The following PRKN variants were observed in gnomAD, a reference collection of about 807,000 sequenced individuals.
PRKN encodes E3 ubiquitin-protein ligase parkin.
A neutral mutation model predicts 59.5 loss-of-function variants in PRKN; 56 were observed. The observed-to-expected ratio is 0.94, with a 90% CI of 0.76 to 1.18. PRKN has a LOEUF of 1.18. Among genes scored for constraint, PRKN ranks in the 50% most tolerant of loss-of-function variants. PRKN has a pLI of 0.00. For missense variants in PRKN, 657 were observed against 596.4 expected (o/e 1.10, Z -1.06); for synonymous variants, 250 against 222.1 (o/e 1.13, Z -1.12).
At chr6:161,797,068 A>G (rs1354132835) in intron 6 of PRKN, among the ~76,000 whole-genome samples, 4 of 152,228 alleles carry the variant, frequency 2.6e-5, no homozygotes, top group Non-Finnish European at 2.9e-5. Flanking sequence ...TCCAGTGGCC[A>G]TAAATGTTAG....
In PRKN at chr6:161,400,641, A is replaced by G. The variant is rs543606719; in HGVS notation, c.1084-13764T>C. 1.5e-4 allele frequency among the ~76,000 whole-genome samples: 22 copies of G among 151,240 alleles called. No homozygotes were observed. The highest frequency in any genetic ancestry group is 3.0e-4 in the Non-Finnish European group (20 of 67,598). ...AAATTAAACGTATTCTAAGACAAAGAAATTCAGATTTTTTTTTTTTCGAAT... is the reference window on the plus strand; with the variant it reads ...AAATTAAACGTATTCTAAGACAAAGGAATTCAGATTTTTTTTTTTTCGAAT... On this transcript the variant is annotated intron_variant, in intron 9 of 11. Transcript: ENST00000366898. This position sits in a 1 kb window ranked among gnomAD's most constrained non-coding sequence, Gnocchi z 4.2.
chr6:161,669,714 T>C (rs1431357941), intron 7 of PRKN, among the ~76,000 whole-genome samples: 1 of 152,270 alleles, frequency 6.6e-6, no homozygotes, highest in African/African-American at 2.4e-5. Flanking sequence ...TGCTTTTATC[T>C]GCTGCAGTGT....
chr6:161,492,438 A>G (rs963139214), intron 9 of PRKN, among the ~76,000 whole-genome samples: 1 of 152,374 alleles, frequency 6.6e-6, no homozygotes. Flanking sequence ...GAGGAGACCC[A>G]GCTTGGAAGC....
chr6:162,047,593 A>T (rs1233843511), intron 5 of PRKN, among the ~76,000 whole-genome samples: 1 of 152,174 alleles, frequency 6.6e-6, no homozygotes, highest in Admixed American at 6.5e-5. Context: ...CCATCCTGAG[A>T]AATTCTGAGT....
At chr6:162,037,593 C>A (rs901782677) in intron 5 of PRKN, among the ~76,000 whole-genome samples, 2 of 151,196 alleles carry the variant, frequency 1.3e-5, no homozygotes, top group Non-Finnish European at 2.9e-5. Context: ...TGTCACCAGG[C>A]TGGAGTGCAG....
intron 4 of PRKN, among the ~76,000 whole-genome samples, chr6:162,110,497 A>G (rs1383741879): frequency 2.6e-5 from 4 of 152,218 alleles, no homozygotes; most frequent in Admixed American, 2.6e-4. Flanking sequence ...TTAAAGAAGA[A>G]TGCTAAATGG....
At chr6:162,255,343 TTCCAGGCCTTTC>T (rs1370352921) in intron 3 of PRKN, among the ~76,000 whole-genome samples, 1 of 152,174 alleles carries the variant, frequency 6.6e-6, no homozygotes, top group Non-Finnish European at 1.5e-5. Context: ...ACTTGGTATA[TTCCAGGCCTTTC>T]TCTAGGCCCT....
chr6:162,096,735 A>T (rs1289193769), intron 4 of PRKN, among the ~76,000 whole-genome samples: 1 of 148,120 alleles, frequency 6.8e-6, no homozygotes, highest in Non-Finnish European at 1.5e-5. Context: ...CATGATTGGG[A>T]GGCCTCCCAG....
chr6:161,544,428 G>T lies in PRKN; in HGVS notation c.1083+4426C>A, dbSNP rs1008970281. ...CAGTTCTAATACTGGGATAAATGAT[G>T]ATTAATATTGGAAAATAAAAGTAAT... is the stretch of plus-strand genomic sequence containing the variant. On this transcript the variant is annotated intron_variant, in intron 9 of 11. Coordinates refer to ENST00000366898, the MANE Select transcript of PRKN (RefSeq NM_004562.3). The surrounding 1 kb of genome is among the most constrained non-coding windows in gnomAD (Gnocchi z 5.5). Among the ~76,000 whole-genome samples the T allele has an allele frequency of 6.6e-6, 1 of 152,110 alleles. No homozygotes were observed. Among genetic ancestry groups the T allele is most frequent in the African/African-American group, 2.4e-5 (1 of 41,426 alleles).
chr6:162,695,772 T>C (rs1472688191), intron 1 of PRKN, among the ~76,000 whole-genome samples: 3 of 152,198 alleles, frequency 2.0e-5, no homozygotes. Flanking sequence ...GGTTGGAAAA[T>C]GTAAGTTACA....
At chr6:161,626,305 T>C (rs1038727441) in intron 7 of PRKN, among the ~76,000 whole-genome samples, 1 of 152,178 alleles carries the variant, frequency 6.6e-6, no homozygotes, top group African/African-American at 2.4e-5. Flanking sequence ...AAAGAAAGGA[T>C]GGTTCTGGAA....
At chr6:162,105,061 G>A (rs1182388218) in intron 4 of PRKN, among the ~76,000 whole-genome samples, 2 of 152,146 alleles carry the variant, frequency 1.3e-5, no homozygotes, top group African/African-American at 4.8e-5. Flanking sequence ...TCATAGTGAA[G>A]TGAGAAGCAC....
At chr6:161,819,867 T>C (rs1791947322) in intron 6 of PRKN, among the ~76,000 whole-genome samples, 1 of 152,092 alleles carries the variant, frequency 6.6e-6, no homozygotes, top group Non-Finnish European at 1.5e-5. Flanking sequence ...ATTTTTCAAA[T>C]AAAAAATGAT....
In PRKN at chr6:162,299,280, CAG is replaced by C. The variant is rs546942855; in HGVS notation, c.172-36517_172-36516del. 6.1e-3 allele frequency among the ~76,000 whole-genome samples: 924 copies of C among 152,282 alleles called. 9 individuals are homozygous for C. The highest frequency in any genetic ancestry group is 0.021 in the African/African-American group (889 of 41,556). On this transcript the variant is annotated intron_variant, in intron 2 of 11. Coordinates refer to ENST00000366898, the MANE Select transcript of PRKN (RefSeq NM_004562.3). ...CCCGACTTAGATTCAATGCCAGAAA[CAG>C]GGGCAGAGAGGCCAATGGCTGAATA...
chr6:161,434,753 C>T (rs9347511), intron 9 of PRKN, among the ~76,000 whole-genome samples: 83,817 of 152,006 alleles, frequency 0.55, 23,503 homozygotes, highest in East Asian at 0.84. Context: ...AAAAGTTTAA[C>T]GCAATTTGAA....
Position 161,620,498 on chromosome 6 carries a change from G to A in PRKN, c.872-51082C>T, listed in dbSNP as rs554578979. Among the ~76,000 whole-genome samples the A allele has an allele frequency of 9.6e-4, 146 of 152,214 alleles. 1 individual carries two copies. Among genetic ancestry groups the A allele is most frequent in the African/African-American group, 3.0e-3 (125 of 41,536 alleles). Reference sequence around the variant, plus strand: ...TGATTTGTTTGATAGGAATTATGTCGGATGTAGGTATCACATGGAATGGAA... The same window carrying A: ...TGATTTGTTTGATAGGAATTATGTCAGATGTAGGTATCACATGGAATGGAA... On this transcript the variant is annotated intron_variant, in intron 7 of 11. Coordinates refer to ENST00000366898, the MANE Select transcript of PRKN (RefSeq NM_004562.3).
intron 2 of PRKN, among the ~76,000 whole-genome samples, chr6:162,369,716 G>C (rs1428322840): frequency 6.6e-6 from 1 of 152,056 alleles, no homozygotes; most frequent in Admixed American, 6.6e-5. Context: ...TAGCATCCAC[G>C]GATAGGAACC....
At chr6:162,242,932 A>T (rs879785088) in intron 3 of PRKN, among the ~76,000 whole-genome samples, 14 of 152,174 alleles carry the variant, frequency 9.2e-5, no homozygotes, top group Non-Finnish European at 1.8e-4. Flanking sequence ...CCTTGAAAAC[A>T]ATAGAATAAT....
At chr6:161,959,688 G>A (rs1024532306) in intron 6 of PRKN, among the ~76,000 whole-genome samples, 1 of 152,022 alleles carries the variant, frequency 6.6e-6, no homozygotes, top group African/African-American at 2.4e-5. Context: ...ACTCCCAAAT[G>A]AATAAATGCC....
Sources: gnomAD v4.1 joint callset for allele counts (sites outside exome capture counted in the v4.1 genomes callset) on GRCh38, gnomAD v4.1.1 for gene constraint, Gnocchi (gnomAD v3.1) non-coding constraint, MANE v1.5 for transcripts, NCBI Gene and HGNC (gene_info 2026-07-23, HGNC 2026-07-21) for gene names.